The following C3orf85 variants were observed in gnomAD, a reference collection of about 807,000 sequenced individuals.
The protein encoded by C3orf85 is uncharacterized protein C3orf85.
Under a neutral mutation model 1.7 loss-of-function variants are expected in C3orf85, and 1 was observed. The observed-to-expected ratio is 0.60, with a 90% CI of 0.21 to 2.86. The LOEUF is 2.86. Among genes scored for constraint, C3orf85 ranks in the 30% most tolerant of loss-of-function variants. The pLI, the probability that C3orf85 is intolerant of heterozygous loss-of-function variation, is 0.22. For synonymous variants in C3orf85, 17 were observed against 8.0 expected (o/e 2.13, Z -1.90); for missense variants, 29 against 21.3 (o/e 1.36, Z -0.72).
At position 109,146,010 on chromosome 3, in the gene C3orf85, G is replaced by C. The variant is rs141751080; in HGVS notation, c.50-2243G>C. 7.2e-5 allele frequency among the ~76,000 whole-genome samples: 11 copies of C among 152,282 alleles called. No homozygotes were observed. The East Asian group carries it at 2.1e-3, about 29-fold the overall frequency. On this transcript the variant is annotated intron_variant, in intron 2 of 3. Coordinates refer to ENST00000622536, the MANE Select transcript of C3orf85 (RefSeq NM_001351622.2). ...CTCAACTCAAAATAAATTTCTCTGT[G>C]AGGTGTCCATGACAGTATCAAAATT... is the stretch of plus-strand genomic sequence containing the variant.
chr3:109,148,116 C>T (rs868593216), intron 2 of C3orf85, 137 bp from the exon 3 acceptor site: 1 of 602,980 alleles, frequency 1.7e-6, no homozygotes, highest in East Asian at 2.8e-5. Flanking sequence ...CTGTCTCACT[C>T]AGAGCTTAGC....
In C3orf85 at chr3:109,136,828, T is replaced by A. The variant is rs1394804830; in HGVS notation, c.-4-16T>A. ...CTAAATTAAAGTAAATAAATCTTTTTTTTTTCCCAAAATAGGATCATGGCC... is the reference window on the plus strand; with the variant it reads ...CTAAATTAAAGTAAATAAATCTTTTATTTTTCCCAAAATAGGATCATGGCC... On this transcript the variant is annotated splice_polypyrimidine_tract_variant and intron_variant, in intron 1 of 3. Transcript: ENST00000622536. The A allele has an allele frequency of 2.4e-6, 1 of 411,808 alleles. No homozygotes were observed. The highest frequency in any genetic ancestry group is 2.0e-5 in the African/African-American group (1 of 49,060). 25.5% of individuals were successfully genotyped at this position (411,808 alleles called of 1,614,324 possible). A position where few individuals can be genotyped will look rare whatever the true frequency, so the allele number is the denominator to read the frequency against.
At chr3:109,139,168 A>G (rs980060984) in intron 2 of C3orf85, among the ~76,000 whole-genome samples, 4 of 152,342 alleles carry the variant, frequency 2.6e-5, no homozygotes, top group African/African-American at 9.6e-5. Flanking sequence ...TCCTAATCCT[A>G]CATCTACCAC....
At chr3:109,145,053 C>G (rs1257524288) in intron 2 of C3orf85, among the ~76,000 whole-genome samples, 1 of 152,034 alleles carries the variant, frequency 6.6e-6, no homozygotes, top group Non-Finnish European at 1.5e-5. Context: ...AATGCGTGTT[C>G]CTTCCTCCTG....
At chr3:109,144,162 T>C (rs1231957033) in intron 2 of C3orf85, among the ~76,000 whole-genome samples, 1 of 152,092 alleles carries the variant, frequency 6.6e-6, no homozygotes, top group South Asian at 2.1e-4. Context: ...CAGGGTTCAG[T>C]TTTCAAACCC....
chr3:109,146,968 C>G (rs1706806670), intron 2 of C3orf85, among the ~76,000 whole-genome samples: 1 of 152,100 alleles, frequency 6.6e-6, no homozygotes, highest in African/African-American at 2.4e-5. Flanking sequence ...CTAATACCTC[C>G]TAAGTTTAAA....
intron 2 of C3orf85, among the ~76,000 whole-genome samples, chr3:109,138,290 A>T (rs1469077521): frequency 6.6e-6 from 1 of 152,232 alleles, no homozygotes; most frequent in Non-Finnish European, 1.5e-5. Flanking sequence ...AGGTGTATGC[A>T]CACTGCTGGA....
At position 109,150,868 on chromosome 3, in the gene C3orf85, CT is replaced by C. The variant is rs1181379072; in HGVS notation, c.*976del. Reference sequence around the variant, plus strand: ...GTAAATGGAAACATTTCCCTAAGACCTTAGTTGATCTTATGTGGTCTTAAAA... The same window carrying C: ...GTAAATGGAAACATTTCCCTAAGACCTAGTTGATCTTATGTGGTCTTAAAA... On this transcript the variant is annotated 3_prime_UTR_variant, in exon 4 of 4. Coordinates refer to ENST00000622536, the MANE Select transcript of C3orf85 (RefSeq NM_001351622.2). 6.6e-6 allele frequency among the ~76,000 whole-genome samples: 1 copy of C among 152,102 alleles called. No homozygotes were observed. The highest frequency in any genetic ancestry group is 1.5e-5 in the Non-Finnish European group (1 of 68,014).
At chr3:109,144,528 G>GA (rs1307653989) in intron 2 of C3orf85, among the ~76,000 whole-genome samples, 1 of 152,168 alleles carries the variant, frequency 6.6e-6, no homozygotes, top group Non-Finnish European at 1.5e-5. Context: ...GGAGGAGAAG[G>GA]AGATTGTATC....
At chr3:109,139,564 T>C (rs1706721063) in intron 2 of C3orf85, among the ~76,000 whole-genome samples, 1 of 152,244 alleles carries the variant, frequency 6.6e-6, no homozygotes, top group African/African-American at 2.4e-5. Flanking sequence ...TATTAAGATT[T>C]ATACTGGGTT....
At chr3:109,140,332 G>C (rs1706731422) in intron 2 of C3orf85, among the ~76,000 whole-genome samples, 1 of 152,174 alleles carries the variant, frequency 6.6e-6, no homozygotes, top group Non-Finnish European at 1.5e-5. Flanking sequence ...CAGCAAAGTA[G>C]GAGAATGGTT....
chr3:109,147,802 AT>A (rs953988489), intron 2 of C3orf85, among the ~76,000 whole-genome samples: 2 of 152,146 alleles, frequency 1.3e-5, no homozygotes, highest in African/African-American at 4.8e-5. Flanking sequence ...GAAGAATAAG[AT>A]TGTTGACTGC....
chr3:109,142,248 A>G (rs2107833989), intron 2 of C3orf85, among the ~76,000 whole-genome samples: 1 of 152,204 alleles, frequency 6.6e-6, no homozygotes, highest in East Asian at 1.9e-4. Context: ...TCAGTACTTA[A>G]TTTGTGTGTG....
intron 2 of C3orf85, among the ~76,000 whole-genome samples, chr3:109,142,334 A>C (rs919240525): frequency 6.6e-6 from 1 of 152,200 alleles, no homozygotes; most frequent in Non-Finnish European, 1.5e-5. Flanking sequence ...GAGACTCAGC[A>C]GTTCAATAAA....
chr3:109,139,101 T>C (rs760946641), intron 2 of C3orf85, among the ~76,000 whole-genome samples: 5 of 152,166 alleles, frequency 3.3e-5, no homozygotes, highest in Non-Finnish European at 7.4e-5. Flanking sequence ...ACTGAGGGCT[T>C]AGGGAATTCA....
chr3:109,145,238 G>A (rs1706785416), intron 2 of C3orf85, among the ~76,000 whole-genome samples: 1 of 151,916 alleles, frequency 6.6e-6, no homozygotes, highest in East Asian at 1.9e-4. Context: ...ATCTGTGAAT[G>A]AATAAATAAA....
In C3orf85 at chr3:109,146,337, C is replaced by T. The variant is rs1319043515; in HGVS notation, c.50-1916C>T. 4 of 152,280 alleles carry T rather than the reference C, an allele frequency of 2.6e-5. No individual in the cohort carries two copies. The East Asian group carries it at 7.7e-4, about 29-fold the overall frequency. 9.4% of individuals were successfully genotyped at this position (152,280 alleles called of 1,614,324 possible). On this transcript the variant is annotated intron_variant, in intron 2 of 3. Coordinates refer to ENST00000622536, the MANE Select transcript of C3orf85 (RefSeq NM_001351622.2). ...TCAACCCTTGTGATTAGCTATTTAC[C>T]TTGACATCAGTAAGTGCGTATAATG...
chr3:109,149,404 A>AATGGGC (rs1559971029), intron 3 of C3orf85: 1 of 152,976 alleles, frequency 6.5e-6, no homozygotes, highest in Admixed American at 6.5e-5. Context: ...GTTTTTGTCC[A>AATGGGC]ATAGGCATTA....
At chr3:109,147,501 T>G (rs1009132389) in intron 2 of C3orf85, among the ~76,000 whole-genome samples, 2 of 152,236 alleles carry the variant, frequency 1.3e-5, no homozygotes, top group African/African-American at 4.8e-5. Flanking sequence ...GTGTTCTTCC[T>G]TTGTATTGGT....
Sources: allele counts gnomAD v4.1 joint callset (sites outside exome capture counted in the v4.1 genomes callset), GRCh38; gene constraint gnomAD v4.1.1; transcripts MANE v1.5; gene names NCBI Gene and HGNC (gene_info 2026-07-23, HGNC 2026-07-21).